The following NECTIN4 variants were observed in gnomAD, a reference collection of about 807,000 sequenced individuals.
The protein encoded by NECTIN4 is nectin cell adhesion molecule 4.
NECTIN4 carries 19 observed loss-of-function variants against 51.7 expected under a neutral mutation model. The ratio of observed to expected loss-of-function variants is 0.37; its 90% CI spans 0.26 to 0.54. The LOEUF is 0.54. Ranked by LOEUF, NECTIN4 falls within the 20% of genes least tolerant of loss-of-function variation. The probability of loss-of-function intolerance (pLI) is 0.86; values close to 1 mark genes in which losing one functional copy is unlikely to be tolerated. For missense variants in NECTIN4, 619 were observed against 662.4 expected, an observed-to-expected ratio of 0.93 and a Z score of 0.72; for synonymous variants, 283 against 286.9, an observed-to-expected ratio of 0.99 and a Z score of 0.14.
chr1:161,088,922 C>T lies in NECTIN4; in HGVS notation c.79+296G>A, dbSNP rs1010966204. ...CTGCCTGCCCATCTACACTGGGTCACCACGTCTATTCCCCAAGACAGCTCA... is the reference window on the plus strand; with the variant it reads ...CTGCCTGCCCATCTACACTGGGTCATCACGTCTATTCCCCAAGACAGCTCA... On this transcript the variant is annotated intron_variant, in intron 1 of 8. Coordinates refer to ENST00000368012, the MANE Select transcript of NECTIN4 (RefSeq NM_030916.3). 2.0e-5 allele frequency among the ~76,000 whole-genome samples: 3 copies of T among 152,214 alleles called. No homozygotes were observed. In the South Asian group the frequency reaches 6.2e-4, roughly 32 times the overall value.
chr1:161,076,443 C>T lies in NECTIN4; in HGVS notation c.763G>A (p.Asp255Asn), dbSNP rs750621376. 2.5e-6 allele frequency: 4 copies of T among 1,614,194 alleles called. No individual in the cohort carries two copies. The South Asian group carries it at 3.3e-5, about 13-fold the overall frequency. The change falls in exon 4 of 9, where the codon GAC becomes AAC. Residue 255 changes from aspartate to asparagine, a missense_variant. Asp to Asn is a conservative substitution (Grantham distance 23). This residue lies in a region of NECTIN4 where 364 missense variants were observed against 415.7 expected (regional missense o/e 0.88). Coordinates refer to ENST00000368012, the MANE Select transcript of NECTIN4 (RefSeq NM_030916.3). ...LAEASVRGLE[D>N]QNLWHIGREG... ...CTGCCAATGTGCCACAGATTTTGGT[C>T]TTCAAGGCCCCTCACAGAGGCCTCA...
intron 7 of NECTIN4, 71 bp from the exon 8 acceptor site, chr1:161,073,370 C>A: frequency 8.1e-7 from 1 of 1,233,226 alleles, no homozygotes; most frequent in Non-Finnish European, 1.2e-6. Context: ...CCCCTCTTGT[C>A]CTCCACCAGC....
At chr1:161,073,163 C>G in intron 8 of NECTIN4, 62 bp downstream of exon 8, 1 of 1,462,180 alleles carries the variant, frequency 6.8e-7, no homozygotes, top group South Asian at 1.1e-5. Context: ...CGCACCATAT[C>G]TGGGACCAGG....
At chr1:161,082,426 C>T (rs1283263751) in intron 1 of NECTIN4, among the ~76,000 whole-genome samples, 1 of 152,038 alleles carries the variant, frequency 6.6e-6, no homozygotes, top group Non-Finnish European at 1.5e-5. Context: ...GCTGGGCTAG[C>T]TAATTGGGTT....
rs1557954518 is a variant in NECTIN4, at chr1:161,089,442, C to CA, written c.-147dup. The CA allele has an allele frequency of 1.4e-6, 1 of 719,708 alleles. No homozygotes were observed. Among genetic ancestry groups the CA allele is most frequent in the East Asian group, 2.7e-5 (1 of 36,900 alleles). The allele number at this position is 719,708 out of a possible 1,614,324, so 44.6% of individuals were successfully genotyped here. A position where few individuals can be genotyped will look rare whatever the true frequency, so the allele number is the denominator to read the frequency against. ...GCACTTGGGTCTCCACTAGGGGACC[C>CA]AGCCCCAGCCCCGGCCCCGTTCTAC... On this transcript the variant is annotated 5_prime_UTR_variant, in exon 1 of 9. Coordinates refer to ENST00000368012, the MANE Select transcript of NECTIN4 (RefSeq NM_030916.3). The surrounding 1 kb of genome is among the most constrained non-coding windows in gnomAD (Gnocchi z 4.1).
At position 161,074,660 on chromosome 1, in the gene NECTIN4, G is replaced by A; in HGVS notation, c.951C>T (p.Val317=). The part of the protein sequence containing the change: ...TEHSGIYVCH[V]SNEFSSRDSQ... ...AATCCCTTGAGGAGAACTCATTGCTGACATGGCAGACGTAGATGCCGCTGT... is the reference window on the plus strand; with the variant it reads ...AATCCCTTGAGGAGAACTCATTGCTAACATGGCAGACGTAGATGCCGCTGT... The change falls in exon 5 of 9, where the codon GTC becomes GTT. Residue 317 remains valine (V), a synonymous_variant. Coordinates refer to ENST00000368012, the MANE Select transcript of NECTIN4 (RefSeq NM_030916.3). 6.2e-7 allele frequency: 1 copy of A among 1,614,238 alleles called. No homozygotes were observed. Among genetic ancestry groups the A allele is most frequent in the Non-Finnish European group, 8.5e-7 (1 of 1,180,050 alleles).
chr1:161,082,874 G>A (rs1206337612), intron 1 of NECTIN4, among the ~76,000 whole-genome samples: 1 of 152,104 alleles, frequency 6.6e-6, no homozygotes, highest in Non-Finnish European at 1.5e-5. Flanking sequence ...AGGTCACAGG[G>A]ATCCCAAGAC....
chr1:161,077,553 C>T lies in NECTIN4; in HGVS notation c.630G>A (p.Leu210=), dbSNP rs200957168. Residue 210 remains leucine, a synonymous_variant, in exon 3 of 9, where the codon TTG becomes TTA. Transcript: ENST00000368012. ...GCCCATTCATGCTGCGGCTAGGCACCAAGTGGAACTCTGAGGTGACGGCAG... is the reference window on the plus strand; with the variant it reads ...GCCCATTCATGCTGCGGCTAGGCACTAAGTGGAACTCTGAGGTGACGGCAG... ...RSAAVTSEFH[L]VPSRSMNGQP... The T allele has an allele frequency of 6.2e-7, 1 of 1,614,054 alleles. No homozygotes were observed. The highest frequency in any genetic ancestry group is 1.3e-5 in the African/African-American group (1 of 75,042).
At position 161,089,383 on chromosome 1, in the gene NECTIN4, C is replaced by T. The variant is rs1221433544; in HGVS notation, c.-87G>A. On this transcript the variant is annotated 5_prime_UTR_variant, in exon 1 of 9. Coordinates refer to ENST00000368012, the MANE Select transcript of NECTIN4 (RefSeq NM_030916.3). The surrounding 1 kb of genome is among the most constrained non-coding windows in gnomAD (Gnocchi z 4.1). ...TGCAGACTTGAATAAGGAACTGACCCAGAAGGCAGGAAGCTGCAGAGTTCT... is the reference window on the plus strand; with the variant it reads ...TGCAGACTTGAATAAGGAACTGACCTAGAAGGCAGGAAGCTGCAGAGTTCT... The T allele has an allele frequency of 5.5e-6, 7 of 1,275,874 alleles. No homozygotes were observed. The highest frequency in any genetic ancestry group is 2.3e-5 in the East Asian group (1 of 42,852). 79.0% of individuals were successfully genotyped at this position (1,275,874 alleles called of 1,614,324 possible). A position where few individuals can be genotyped will look rare whatever the true frequency, so the allele number is the denominator to read the frequency against.
Position 161,079,475 on chromosome 1 carries a change from A to G in NECTIN4, c.439+115T>C, listed in dbSNP as rs192182147. The G allele has an allele frequency of 4.6e-4, 649 of 1,413,172 alleles. 8 individuals are homozygous for G. The South Asian group carries it at 5.5e-3, about 12-fold the overall frequency. The allele number at this position is 1,413,172 out of a possible 1,614,324, so 87.5% of individuals were successfully genotyped here. ...CTGGATGAAGCTCCCTCACCTGAAC[A>G]TGACCCCACTTTTTATTCCTGTTCT... On this transcript the variant is annotated intron_variant, in intron 2 of 8. Coordinates refer to ENST00000368012, the MANE Select transcript of NECTIN4 (RefSeq NM_030916.3).
intron 1 of NECTIN4, chr1:161,084,406 GTC>G (rs1477821161): frequency 6.6e-6 from 1 of 152,252 alleles, no homozygotes; most frequent in Non-Finnish European, 1.5e-5. Context: ...GCTTCCACAT[GTC>G]TCTCTGTCTC....
At chr1:161,080,893 C>G (rs1361101234) in intron 1 of NECTIN4, among the ~76,000 whole-genome samples, 1 of 152,172 alleles carries the variant, frequency 6.6e-6, no homozygotes, top group Non-Finnish European at 1.5e-5. Flanking sequence ...TATGGAGACA[C>G]ATATGGAAAC....
chr1:161,072,989 G>T, intron 8 of NECTIN4, 104 bp from the exon 9 acceptor site: 1 of 1,194,488 alleles, frequency 8.4e-7, no homozygotes, highest in Non-Finnish European at 1.2e-6. Flanking sequence ...GCGTAAGCAG[G>T]GGTAACGGTT....
At position 161,076,404 on chromosome 1, in the gene NECTIN4, G is replaced by A. The variant is rs1439607413; in HGVS notation, c.802C>T (p.Leu268Phe). ...LWHIGREGAM[L>F]KCLSEGQPPP... ...GGCTGCCCTTCACTCAGGCACTTGA[G>A]CATAGCTCCTTCTCTGCCAATGTGC... Residue 268 changes from leucine to phenylalanine, a missense_variant, in exon 4 of 9, where the codon CTC becomes TTC. Leu to Phe is a conservative substitution (Grantham distance 22, BLOSUM62 0). Transcript: ENST00000368012. The A allele has an allele frequency of 8.1e-6, 13 of 1,614,162 alleles. No homozygotes were observed. The highest frequency in any genetic ancestry group is 9.3e-6 in the Non-Finnish European group (11 of 1,180,026).
At chr1:161,077,809 G>A (rs1653488925) in intron 2 of NECTIN4, 66 bp from the exon 3 acceptor site, 13 of 1,449,084 alleles carry the variant, frequency 9.0e-6, no homozygotes, top group Non-Finnish European at 1.0e-5. Context: ...CCCACTCATC[G>A]CATTTCAGTC....
intron 3 of NECTIN4, among the ~76,000 whole-genome samples, chr1:161,077,087 G>T (rs191889354): frequency 1.0e-3 from 157 of 152,314 alleles, no homozygotes; most frequent in Non-Finnish European, 1.7e-3. Flanking sequence ...TGAAGAAAAT[G>T]AAGCCTAACA....
In NECTIN4 at chr1:161,072,596, A is replaced by G. The variant is rs1653221770; in HGVS notation, c.*65T>C. The G allele has an allele frequency of 7.1e-7, 1 of 1,398,746 alleles. No individual in the cohort carries two copies. 86.6% of individuals were successfully genotyped at this position (1,398,746 alleles called of 1,614,324 possible). ...ATGGGGGTGTTTAAGGAGGCCCCCA[A>G]GATGAGCTAAAATCTCCCATGTCAA... On this transcript the variant is annotated 3_prime_UTR_variant, in exon 9 of 9. Transcript: ENST00000368012.
chr1:161,089,273 C>G lies in NECTIN4; in HGVS notation c.24G>C (p.Glu8Asp). The change falls in exon 1 of 9, where the codon GAG becomes GAC. Residue 8 changes from glutamate to aspartate, a missense_variant. By Grantham distance (45) the Glu-to-Asp change is conservative (BLOSUM62 2). Transcript: ENST00000368012. This position sits in a 1 kb window ranked among gnomAD's most constrained non-coding sequence, Gnocchi z 4.1. MPLSLGA[E>D]MWGPEAWLLL... is the part of the protein sequence containing the mutation. Reference sequence around the variant, plus strand: ...GCAGCCAGGCCTCAGGCCCCCACATCTCGGCTCCCAGGGACAGGGGCATGG... The same window carrying G: ...GCAGCCAGGCCTCAGGCCCCCACATGTCGGCTCCCAGGGACAGGGGCATGG... 1.2e-6 allele frequency: 2 copies of G among 1,611,168 alleles called. No homozygotes were observed. The highest frequency in any genetic ancestry group is 1.7e-6 in the Non-Finnish European group (2 of 1,179,992).
Position 161,073,810 on chromosome 1 carries a change from C to T in NECTIN4, c.1158-15G>A, listed in dbSNP as rs1239412258. 3 of 1,612,404 alleles carry T rather than the reference C, an allele frequency of 1.9e-6. No homozygotes were observed. The highest frequency in any genetic ancestry group is 1.3e-5 in the African/African-American group (1 of 74,898). On this transcript the variant is annotated splice_polypyrimidine_tract_variant and intron_variant, in intron 6 of 8. Coordinates refer to ENST00000368012, the MANE Select transcript of NECTIN4 (RefSeq NM_030916.3). ...GCTCCTCCTCACTGGGAAAGACACACCCTTGTCAGGAGCTGAGGGTAGTGG... is the reference window on the plus strand; with the variant it reads ...GCTCCTCCTCACTGGGAAAGACACATCCTTGTCAGGAGCTGAGGGTAGTGG...
Sources: gnomAD v4.1 joint callset for allele counts (sites outside exome capture counted in the v4.1 genomes callset) on GRCh38, gnomAD v4.1.1 for gene constraint, gnomAD v4.1.1 regional missense constraint, Gnocchi (gnomAD v3.1) non-coding constraint, MANE v1.5 for transcripts, NCBI Gene and HGNC (gene_info 2026-07-23, HGNC 2026-07-21) for gene names.